PARVA: variants seen among roughly 807,000 people sequenced by gnomAD.
PARVA encodes the protein alpha-parvin.
Under a neutral mutation model 52.6 loss-of-function variants are expected in PARVA, and 25 were observed. That is an observed-to-expected ratio of 0.48 (90% confidence interval 0.35 to 0.66). The LOEUF (loss-of-function observed/expected upper bound fraction) is 0.66, where lower values mean the gene tolerates loss of function less well. PARVA is among the 30% of genes least tolerant of loss of function. The pLI is 0.01. For missense variants in PARVA, 373 were observed against 450.9 expected (o/e 0.83, Z 1.56); for synonymous variants, 185 against 179.1 (o/e 1.03, Z -0.26).
intron 1 of PARVA, among the ~76,000 whole-genome samples, chr11:12,382,381 CTTT>C (rs546439424): frequency 7.0e-5 from 9 of 128,330 alleles, no homozygotes; most frequent in African/African-American, 2.5e-4. Context: ...GTAACTTTTT[CTTT>C]TTTTTTTTTT....
intron 1 of PARVA, among the ~76,000 whole-genome samples, chr11:12,466,082 C>A (rs1940850924): frequency 6.6e-6 from 1 of 152,082 alleles, no homozygotes; most frequent in African/African-American, 2.4e-5. Flanking sequence ...TTTGTCATTC[C>A]CTAATCACAA....
intron 11 of PARVA, 51 bp downstream of exon 11, chr11:12,517,762 C>T (rs1460508885): frequency 8.0e-7 from 1 of 1,251,752 alleles, no homozygotes; most frequent in Non-Finnish European, 1.1e-6. Context: ...TCCCCTGACT[C>T]ATGTGCCCAC....
In PARVA at chr11:12,527,972, G is replaced by GTACTGGACCCTCCTCCGAACTGCCTTA. The variant is rs747609798; in HGVS notation, c.*48_*74dup. 1.0e-5 allele frequency: 14 copies of GTACTGGACCCTCCTCCGAACTGCCTTA among 1,358,910 alleles called. No individual in the cohort carries two copies. In the South Asian group the frequency reaches 1.6e-4, roughly 16 times the overall value. The allele number at this position is 1,358,910 out of a possible 1,614,324, so 84.2% of individuals were successfully genotyped here. A position where few individuals can be genotyped will look rare whatever the true frequency, so the allele number is the denominator to read the frequency against. ...CTGCCCAAGAGTTCTTGCTGTTGGC[G>GTACTGGACCCTCCTCCGAACTGCCTTA]TACTGGACCCTCCTCCGAACTGCCT... On this transcript the variant is annotated 3_prime_UTR_variant, in exon 13 of 13. Coordinates refer to ENST00000334956, the MANE Select transcript of PARVA (RefSeq NM_018222.5).
chr11:12,482,156 CAAAAAAAAAAAAAAAAGA>C (rs1211193833), intron 4 of PARVA, among the ~76,000 whole-genome samples: 3 of 60,654 alleles, frequency 4.9e-5, no homozygotes, highest in Admixed American at 2.0e-4. Flanking sequence ...AACCCTGTCT[CAAAAAAAAAAAAAAAAGA>C]AAAAGAAAAA....
chr11:12,521,648 A>G (rs1941637853), intron 12 of PARVA, among the ~76,000 whole-genome samples: 1 of 152,100 alleles, frequency 6.6e-6, no homozygotes, highest in South Asian at 2.1e-4. Context: ...ATGTGATTAA[A>G]TTTAGGGTCT....
intron 1 of PARVA, among the ~76,000 whole-genome samples, chr11:12,454,601 T>C (rs1940671208): frequency 6.6e-6 from 1 of 151,364 alleles, no homozygotes; most frequent in Non-Finnish European, 1.5e-5. Context: ...GAAGAAGAAC[T>C]TCTGACTGTG....
At chr11:12,378,574 C>CT (rs373881363) in intron 1 of PARVA, among the ~76,000 whole-genome samples, 9,603 of 114,692 alleles carry the variant, frequency 0.084, 1,392 homozygotes, top group African/African-American at 0.3. Context: ...CGACCTTATT[C>CT]TTTTTTTTTT....
intron 6 of PARVA, among the ~76,000 whole-genome samples, chr11:12,507,990 G>A (rs932894677): frequency 6.8e-6 from 1 of 147,776 alleles, no homozygotes; most frequent in Non-Finnish European, 1.5e-5. Flanking sequence ...ATGGATGGAT[G>A]GACGGACGGA....
At chr11:12,393,044 G>GAAAAAAAAAAAAAAAAAAAAAAAAAA (rs60966710) in intron 1 of PARVA, among the ~76,000 whole-genome samples, 37 of 46,124 alleles carry the variant, frequency 8.0e-4, no homozygotes, top group East Asian at 1.8e-3. Flanking sequence ...CCCAAATTGT[G>GAAAAAAAAAAAAAAAAAAAAAAAAAA]AAAAAAAAAA....
At chr11:12,394,041 T>C (rs942220178) in intron 1 of PARVA, among the ~76,000 whole-genome samples, 22 of 152,240 alleles carry the variant, frequency 1.4e-4, no homozygotes, top group African/African-American at 5.3e-4. Flanking sequence ...ATTTGCCCTA[T>C]GCCAGGCACT....
At chr11:12,410,048 G>A (rs915089462) in intron 1 of PARVA, among the ~76,000 whole-genome samples, 1 of 152,170 alleles carries the variant, frequency 6.6e-6, no homozygotes, top group African/African-American at 2.4e-5. Context: ...AATTCCAAAT[G>A]TGCCTCTAGG....
intron 7 of PARVA, among the ~76,000 whole-genome samples, chr11:12,508,959 A>C (rs4757549): frequency 0.95 from 144,016 of 152,172 alleles, 68,660 homozygotes; most frequent in East Asian, 1. Context: ...CACTGGGTTG[A>C]ATTTAAATTG....
chr11:12,465,901 TA>T (rs1425661426), intron 1 of PARVA, among the ~76,000 whole-genome samples: 1 of 152,222 alleles, frequency 6.6e-6, no homozygotes, highest in Admixed American at 6.5e-5. Flanking sequence ...GATTATATGG[TA>T]AAATTATAGT....
Position 12,377,600 on chromosome 11 carries a change from A to G in PARVA, c.-48A>G. ...CCGCCGCCGCCCGCTGCGTCCGCCC[A>G]GCGCCAGCTCCGCGTCCCGACCGGC... On this transcript the variant is annotated 5_prime_UTR_variant, in exon 1 of 13. Transcript: ENST00000334956. The G allele has an allele frequency of 6.6e-7, 1 of 1,525,194 alleles. No individual in the cohort carries two copies. The highest frequency in any genetic ancestry group is 8.8e-7 in the Non-Finnish European group (1 of 1,141,078). The allele number at this position is 1,525,194 out of a possible 1,614,324, so 94.5% of individuals were successfully genotyped here. A position where few individuals can be genotyped will look rare whatever the true frequency, so the allele number is the denominator to read the frequency against.
At chr11:12,424,169 A>G (rs1940193465) in intron 1 of PARVA, among the ~76,000 whole-genome samples, 1 of 152,068 alleles carries the variant, frequency 6.6e-6, no homozygotes, top group Non-Finnish European at 1.5e-5. Context: ...ATCTAGATAT[A>G]TAAATTCTCA....
chr11:12,398,884 C>T (rs989896737), intron 1 of PARVA, among the ~76,000 whole-genome samples: 1 of 152,282 alleles, frequency 6.6e-6, no homozygotes, highest in Non-Finnish European at 1.5e-5. Flanking sequence ...ATGCCCATGA[C>T]TTGTGATAAT....
chr11:12,415,853 A>G (rs1000973772), intron 1 of PARVA, among the ~76,000 whole-genome samples: 1 of 152,176 alleles, frequency 6.6e-6, no homozygotes, highest in African/African-American at 2.4e-5. Flanking sequence ...TTAAAGATGA[A>G]GCCTTGTAAT....
intron 1 of PARVA, among the ~76,000 whole-genome samples, chr11:12,428,778 A>C (rs1940273901): frequency 6.6e-6 from 1 of 152,190 alleles, no homozygotes; most frequent in Non-Finnish European, 1.5e-5. Context: ...GCTCGGAGAA[A>C]GCTTCTGAGA....
At position 12,454,167 on chromosome 11, in the gene PARVA, C is replaced by T. The variant is rs528738299; in HGVS notation, c.137-19578C>T. On this transcript the variant is annotated intron_variant, in intron 1 of 12. Coordinates refer to ENST00000334956, the MANE Select transcript of PARVA (RefSeq NM_018222.5). The stretch of plus-strand genomic sequence containing the variant: ...TTTGCCCTTGGATCCAGGAAGTGGG[C>T]GGAGCAGATATGAAGGGAAGAAGGT... 2.7e-4 allele frequency among the ~76,000 whole-genome samples: 41 copies of T among 152,134 alleles called. No homozygotes were observed. The South Asian group carries it at 4.6e-3, about 17-fold the overall frequency.
Sources: allele counts gnomAD v4.1 joint callset (sites outside exome capture counted in the v4.1 genomes callset), GRCh38; gene constraint gnomAD v4.1.1; transcripts MANE v1.5; gene names NCBI Gene and HGNC (gene_info 2026-07-23, HGNC 2026-07-21).